PATJ: variants seen among roughly 807,000 people sequenced by gnomAD.
The protein encoded by PATJ is PATJ crumbs cell polarity complex component.
A neutral mutation model predicts 224.9 loss-of-function variants in PATJ; 190 were observed. That is an observed-to-expected ratio of 0.84 (90% CI 0.75 to 0.95). PATJ has a LOEUF of 0.95. Ranked by LOEUF, PATJ falls within the 40% of genes least tolerant of loss-of-function variation. The pLI is 0.00. For missense variants in PATJ, 2,121 were observed against 2,270.3 expected (o/e 0.93, Z 1.34); for synonymous variants, 769 against 820.3 (o/e 0.94, Z 1.07).
At chr1:61,818,223 G>A (rs892311808) in intron 14 of PATJ, among the ~76,000 whole-genome samples, 2 of 152,206 alleles carry the variant, frequency 1.3e-5, no homozygotes, top group Admixed American at 6.5e-5. Flanking sequence ...TGACAGTAAA[G>A]CACACAATGG....
chr1:61,995,856 A>G (rs1417259016), intron 28 of PATJ, among the ~76,000 whole-genome samples: 1 of 152,236 alleles, frequency 6.6e-6, no homozygotes, highest in Admixed American at 6.5e-5. Context: ...ATATGAATAC[A>G]GGATTCATTT....
At chr1:62,115,331 A>AT (rs1280601004) in intron 35 of PATJ, among the ~76,000 whole-genome samples, 1 of 151,848 alleles carries the variant, frequency 6.6e-6, no homozygotes, top group Non-Finnish European at 1.5e-5. Context: ...AAATAAATAA[A>AT]AAGAGGTATA....
chr1:62,157,926 C>G (rs1180249200), intron 43 of PATJ, among the ~76,000 whole-genome samples: 3 of 148,206 alleles, frequency 2.0e-5, no homozygotes, highest in Non-Finnish European at 3.0e-5. Flanking sequence ...AAGAGATTGA[C>G]CTAAACACTT....
In PATJ at chr1:61,998,900, G is replaced by T. The variant is rs1162181978; in HGVS notation, c.3867+8536G>T. 5.3e-5 allele frequency among the ~76,000 whole-genome samples: 8 copies of T among 152,132 alleles called. No homozygotes were observed. In the East Asian group the frequency reaches 1.6e-3, roughly 30 times the overall value. Reference sequence around the variant, plus strand: ...TTCCTTATGCCACTGAAATATTGAGGCCAAAAATCCATATTCTTGTCTTGG... The same window carrying T: ...TTCCTTATGCCACTGAAATATTGAGTCCAAAAATCCATATTCTTGTCTTGG... On this transcript the variant is annotated intron_variant, in intron 28 of 43. Coordinates refer to ENST00000642238, the MANE Select transcript of PATJ (RefSeq NM_001350145.3).
At chr1:61,983,183 T>C (rs1027761247) in intron 27 of PATJ, among the ~76,000 whole-genome samples, 1 of 152,058 alleles carries the variant, frequency 6.6e-6, no homozygotes, top group Non-Finnish European at 1.5e-5. Flanking sequence ...GCTGGACCTG[T>C]CATCTTTTAA....
intron 27 of PATJ, among the ~76,000 whole-genome samples, chr1:61,961,888 G>C (rs559034363): frequency 4.0e-5 from 6 of 149,746 alleles, no homozygotes; most frequent in African/African-American, 1.5e-4. Context: ...AGAATCACTT[G>C]AACCTGGGAA....
At chr1:61,958,013 T>C (rs1336865075) in intron 27 of PATJ, among the ~76,000 whole-genome samples, 1 of 152,216 alleles carries the variant, frequency 6.6e-6, no homozygotes, top group African/African-American at 2.4e-5. Flanking sequence ...ATATTAAGTA[T>C]TTAATACATT....
intron 27 of PATJ, among the ~76,000 whole-genome samples, chr1:61,977,884 CAAAAA>C (rs567713561): frequency 4.0e-5 from 3 of 75,900 alleles, no homozygotes; most frequent in African/African-American, 3.9e-5. Flanking sequence ...TAGTAAGACT[CAAAAA>C]AAAAAAAAAA....
rs776121758 is a variant in PATJ, at chr1:61,869,178, C to T, written c.2835+4545C>T. On this transcript the variant is annotated intron_variant, in intron 20 of 43. Transcript: ENST00000642238. ...CTGGAGTGCAGTGGCGCCATCTCGGCTCACTGCAAGCTCCGCCTCCCGGGT... is the reference window on the plus strand; with the variant it reads ...CTGGAGTGCAGTGGCGCCATCTCGGTTCACTGCAAGCTCCGCCTCCCGGGT... Among the ~76,000 whole-genome samples, 196 of 141,818 alleles carry T rather than the reference C, an allele frequency of 1.4e-3. 1 individual carries two copies. Among genetic ancestry groups the T allele is most frequent in the Non-Finnish European group, 1.9e-3 (124 of 66,278 alleles). The allele number at this position is 141,818 out of a possible 152,430, so 93.0% of individuals were successfully genotyped here.
intron 31 of PATJ, among the ~76,000 whole-genome samples, chr1:62,056,505 G>T (rs1431024873): frequency 3.3e-5 from 5 of 152,104 alleles, no homozygotes; most frequent in Non-Finnish European, 7.4e-5. Flanking sequence ...CCCAGCCTGG[G>T]TGACAGAGTA....
At chr1:61,785,096 A>G (rs1648223868) in intron 7 of PATJ, among the ~76,000 whole-genome samples, 1 of 152,206 alleles carries the variant, frequency 6.6e-6, no homozygotes, top group African/African-American at 2.4e-5. Context: ...TAGACTTTTC[A>G]GTCTAAGGGT....
intron 27 of PATJ, among the ~76,000 whole-genome samples, chr1:61,984,149 A>G (rs12562199): frequency 0.057 from 7,473 of 132,182 alleles, 595 homozygotes; most frequent in East Asian, 0.39. Flanking sequence ...AATACGCTCA[A>G]TTATTATTAT....
chr1:61,836,346 T>C (rs1198436092), intron 17 of PATJ, among the ~76,000 whole-genome samples: 1 of 152,250 alleles, frequency 6.6e-6, no homozygotes, highest in Non-Finnish European at 1.5e-5. Flanking sequence ...TCTGTACAAA[T>C]TATGTAAAAT....
intron 27 of PATJ, among the ~76,000 whole-genome samples, chr1:61,985,915 T>C (rs1644731693): frequency 6.6e-6 from 1 of 152,016 alleles, no homozygotes. Context: ...CATAACTATA[T>C]CATGGAAACA....
intron 27 of PATJ, among the ~76,000 whole-genome samples, chr1:61,977,611 G>A (rs7529379): frequency 6.6e-6 from 1 of 151,760 alleles, no homozygotes; most frequent in African/African-American, 2.4e-5. Flanking sequence ...GGGGTTGAGT[G>A]GGGGGCTCCA....
intron 26 of PATJ, among the ~76,000 whole-genome samples, chr1:61,925,490 A>G (rs866376182): frequency 5.9e-5 from 9 of 152,354 alleles, no homozygotes; most frequent in Middle Eastern, 3.4e-3. Flanking sequence ...ACAAAATCAT[A>G]GAACTGGAAA....
intron 21 of PATJ, among the ~76,000 whole-genome samples, chr1:61,878,903 C>A (rs1667713425): frequency 6.6e-6 from 1 of 152,066 alleles, no homozygotes; most frequent in South Asian, 2.1e-4. Context: ...CCTGCCTCAG[C>A]CTCCTGAGTA....
intron 43 of PATJ, among the ~76,000 whole-genome samples, chr1:62,153,753 A>G (rs746798449): frequency 2.0e-5 from 3 of 152,210 alleles, no homozygotes; most frequent in Admixed American, 6.5e-5. Context: ...GCAACACAGC[A>G]TAAGGAGCAG....
At chr1:61,945,994 A>G (rs1297719297) in intron 27 of PATJ, among the ~76,000 whole-genome samples, 1 of 152,260 alleles carries the variant, frequency 6.6e-6, no homozygotes, top group Non-Finnish European at 1.5e-5. Flanking sequence ...TGAAGGCAGA[A>G]ATAAAGATGT....
Sources: allele counts gnomAD v4.1 joint callset (sites outside exome capture counted in the v4.1 genomes callset), GRCh38; gene constraint gnomAD v4.1.1; transcripts MANE v1.5; gene names NCBI Gene and HGNC (gene_info 2026-07-23, HGNC 2026-07-21).